Variants in SASH1 observed in about 807,000 individuals in gnomAD.
The protein encoded by SASH1 is SAM and SH3 domain containing 1.
In SASH1, 44 loss-of-function variants were observed where a neutral mutation model predicts 125.2. That is an observed-to-expected ratio of 0.35 (90% CI 0.28 to 0.45). The LOEUF is 0.45. SASH1 is among the 20% of genes least tolerant of loss of function. The pLI is 1.00. For missense variants in SASH1, 1,426 were observed against 1,614.5 expected (o/e 0.88, Z 2.00); for synonymous variants, 639 against 649.1 (o/e 0.98, Z 0.24).
chr6:148,446,732 A>G (rs1271640670), intron 4 of SASH1, among the ~76,000 whole-genome samples: 1 of 152,218 alleles, frequency 6.6e-6, no homozygotes, highest in Admixed American at 6.5e-5. Flanking sequence ...CCAGGAACTG[A>G]GCTAAGCACT....
the SASH1 span, among the ~76,000 whole-genome samples, chr6:148,259,685 T>C: frequency 6.6e-6 from 1 of 152,158 alleles, no homozygotes; most frequent in Admixed American, 6.5e-5. Context: ...ATAAGGTCAA[T>C]GGAGAAGAAA....
chr6:148,521,124 G>T (rs960137649), intron 10 of SASH1, among the ~76,000 whole-genome samples: 11 of 152,204 alleles, frequency 7.2e-5, no homozygotes, highest in African/African-American at 2.4e-4. Context: ...TTCAAGGCAT[G>T]ACTTACTTTG....
chr6:148,362,008 G>A (rs1388197343), intron 1 of SASH1, among the ~76,000 whole-genome samples: 1 of 149,594 alleles, frequency 6.7e-6, no homozygotes, highest in East Asian at 2.0e-4. Context: ...CCGCCTCCCG[G>A]GTTCATGCCA....
At chr6:148,482,126 G>A (rs1426760000) in intron 7 of SASH1, among the ~76,000 whole-genome samples, 5 of 152,172 alleles carry the variant, frequency 3.3e-5, no homozygotes, top group Non-Finnish European at 7.3e-5. Context: ...TTGGAGGGTG[G>A]AAGATAAGAG....
the SASH1 span, among the ~76,000 whole-genome samples, chr6:148,234,646 G>C: frequency 6.6e-6 from 1 of 151,916 alleles, no homozygotes; most frequent in Non-Finnish European, 1.5e-5. Flanking sequence ...GCCAACATGA[G>C]GAAACCCCAT....
At chr6:148,439,067 A>T (rs1468741186) in intron 2 of SASH1, among the ~76,000 whole-genome samples, 1 of 152,232 alleles carries the variant, frequency 6.6e-6, no homozygotes, top group Non-Finnish European at 1.5e-5. Context: ...GGGCAATTGA[A>T]CAATTAGATG....
chr6:148,512,032 T>TATTTATTTA lies in SASH1; in HGVS notation c.730-2292_730-2291insATTTATTTA, dbSNP rs1554267040. ...TTATTTATTTATTTATTTATTTATT[T>TATTTATTTA]TTTTGAGACAGAGTCTCGCTCTGTC... On this transcript the variant is annotated intron_variant, in intron 8 of 19. Transcript: ENST00000367467. 2.6e-5 allele frequency among the ~76,000 whole-genome samples: 4 copies of TATTTATTTA among 151,822 alleles called. No individual in the cohort carries two copies. In the East Asian group the frequency reaches 7.7e-4, roughly 29 times the overall value.
At chr6:148,528,172 ATT>A (rs910197703) in intron 12 of SASH1, among the ~76,000 whole-genome samples, 65 of 151,986 alleles carry the variant, frequency 4.3e-4, no homozygotes, top group African/African-American at 1.5e-3. Context: ...CATAGAATTG[ATT>A]TTTCCCCCCT....
intron 2 of SASH1, 111 bp downstream of exon 2, chr6:148,390,373 T>C: frequency 9.4e-7 from 1 of 1,068,526 alleles, no homozygotes; most frequent in Non-Finnish European, 1.3e-6. Flanking sequence ...ATCTGTAGGC[T>C]GCTGCACTAG....
At chr6:148,378,252 C>G (rs1782989487) in intron 1 of SASH1, among the ~76,000 whole-genome samples, 1 of 152,078 alleles carries the variant, frequency 6.6e-6, no homozygotes, top group Non-Finnish European at 1.5e-5. Flanking sequence ...CGGGGTTTCA[C>G]CATGTTGGCC....
At chr6:148,399,134 G>C (rs1031967215) in intron 2 of SASH1, among the ~76,000 whole-genome samples, 1 of 151,948 alleles carries the variant, frequency 6.6e-6, no homozygotes, top group East Asian at 1.9e-4. Flanking sequence ...GGAAACCACC[G>C]GGTTGGCTGT....
At chr6:148,235,694 G>A in the SASH1 span, among the ~76,000 whole-genome samples, 1 of 152,112 alleles carries the variant, frequency 6.6e-6, no homozygotes. Context: ...AAACATGTTT[G>A]TAGCAATGCT....
chr6:148,290,516 G>T (rs2128508583), intron 1 of SASH1, among the ~76,000 whole-genome samples: 2 of 152,172 alleles, frequency 1.3e-5, no homozygotes, highest in Admixed American at 1.3e-4. Flanking sequence ...TGAGGCAGGA[G>T]AATGGTGTGA....
intron 4 of SASH1, among the ~76,000 whole-genome samples, chr6:148,461,424 A>G (rs1249367556): frequency 6.6e-6 from 1 of 152,196 alleles, no homozygotes; most frequent in Non-Finnish European, 1.5e-5. Flanking sequence ...ATTGATATTG[A>G]TTATTCCTGG....
chr6:148,370,566 G>A (rs1452556272), intron 1 of SASH1, among the ~76,000 whole-genome samples: 2 of 152,102 alleles, frequency 1.3e-5, no homozygotes, highest in East Asian at 1.9e-4. Context: ...GCTCACGCCT[G>A]TAATCCCAGC....
chr6:148,418,361 C>A (rs944545608), intron 2 of SASH1, among the ~76,000 whole-genome samples: 9 of 152,186 alleles, frequency 5.9e-5, no homozygotes, highest in Non-Finnish European at 8.8e-5. Flanking sequence ...CCTGACAAAA[C>A]CCTTGACACA....
the SASH1 span, among the ~76,000 whole-genome samples, chr6:148,233,062 A>G: frequency 6.6e-6 from 1 of 152,012 alleles, no homozygotes; most frequent in Non-Finnish European, 1.5e-5. Flanking sequence ...CTAAAAATAC[A>G]CAATTAGCCG....
chr6:148,269,997 C>T (rs753699832), upstream of SASH1, among the ~76,000 whole-genome samples: 8 of 150,426 alleles, frequency 5.3e-5, no homozygotes, highest in Admixed American at 2.0e-4. Context: ...TATTTTCTGC[C>T]GTACACCATA....
At chr6:148,487,092 T>TAC (rs1186673454) in intron 7 of SASH1, among the ~76,000 whole-genome samples, 24,504 of 118,652 alleles carry the variant, frequency 0.21, 3,725 homozygotes, top group Middle Eastern at 0.27. Context: ...CACATATATA[T>TAC]ACACACACAC....
Sources: allele counts gnomAD v4.1 joint callset (sites outside exome capture counted in the v4.1 genomes callset), GRCh38; gene constraint gnomAD v4.1.1; transcripts MANE v1.5; gene names NCBI Gene and HGNC (gene_info 2026-07-23, HGNC 2026-07-21).